Variants in HDGF observed in about 807,000 individuals in gnomAD.
HDGF encodes heparin binding growth factor, also known as hepatoma-derived growth factor.
Under a neutral mutation model 30.0 loss-of-function variants are expected in HDGF, and 5 were observed. The ratio of observed to expected loss-of-function variants is 0.17; its 90% CI spans 0.09 to 0.35. The LOEUF (loss-of-function observed/expected upper bound fraction) is 0.35. HDGF is among the 10% of genes least tolerant of loss of function. The pLI, the probability that HDGF is intolerant of heterozygous loss-of-function variation, is 1.00. For synonymous variants in HDGF, 133 were observed against 112.7 expected (o/e 1.18, Z -1.14); for missense variants, 214 against 302.8 (o/e 0.71, Z 2.18).
In HDGF at chr1:156,763,069, G is replaced by GTT. The variant is rs921839253; in HGVS notation, n.136+3719_136+3720dup. On this transcript the variant is annotated intron_variant and non_coding_transcript_variant, in intron 1 of 7. Transcript: ENST00000465180. ...CCACCTTCCAAAATGTTGTTACTGT[G>GTT]TTGTCTTCTCTTCCGAACTCTCCAT... 7.9e-5 allele frequency among the ~76,000 whole-genome samples: 12 copies of GTT among 152,054 alleles called. No homozygotes were observed. The South Asian group carries it at 8.3e-4, about 10-fold the overall frequency.
At chr1:156,752,033 C>T, upstream of HDGF, 1 of 1,550,744 alleles carries the variant, frequency 6.4e-7, no homozygotes, top group Non-Finnish European at 8.7e-7. Flanking sequence ...CCGCGGAGCG[C>T]TCACCACCGC....
intron 1 of HDGF, among the ~76,000 whole-genome samples, chr1:156,760,155 G>A (rs954529541): frequency 2.6e-5 from 4 of 152,204 alleles, no homozygotes; most frequent in Non-Finnish European, 5.9e-5. Context: ...ACAGCCCCCA[G>A]GTGTGTCTGC....
At chr1:156,747,578 G>C (rs1258212329) in intron 1 of HDGF, 2 of 151,952 alleles carry the variant, frequency 1.3e-5, no homozygotes, top group African/African-American at 4.8e-5. Context: ...ACAGGCATAG[G>C]ACAATAATAG....
chr1:156,747,752 G>A (rs978834270), intron 1 of HDGF, among the ~76,000 whole-genome samples: 1 of 152,100 alleles, frequency 6.6e-6, no homozygotes, highest in Non-Finnish European at 1.5e-5. Flanking sequence ...CGTGATGGAA[G>A]AGGAGAAACT....
intron 1 of HDGF, among the ~76,000 whole-genome samples, chr1:156,746,978 C>T (rs1650597732): frequency 6.6e-6 from 1 of 152,038 alleles, no homozygotes; most frequent in East Asian, 1.9e-4. Context: ...ATCTGAGGGG[C>T]ATCTTGCTCC....
At chr1:156,747,061 T>A (rs1473117949) in intron 1 of HDGF, among the ~76,000 whole-genome samples, 1 of 151,704 alleles carries the variant, frequency 6.6e-6, no homozygotes, top group Non-Finnish European at 1.5e-5. Flanking sequence ...GGTCCAGCCC[T>A]TCCCCCCCAG....
Position 156,763,207 on chromosome 1 carries a change from TTCTC to T in HDGF, n.136+3579_136+3582del, listed in dbSNP as rs572700259. On this transcript the variant is annotated intron_variant and non_coding_transcript_variant, in intron 1 of 7. Coordinates refer to the HDGF transcript ENST00000465180. ...GAAACAAATATGTTTAATCATTTCA[TTCTC>T]TCTCTTTTTTTTTTTTGTTTGAGAT... 1.2e-4 allele frequency among the ~76,000 whole-genome samples: 18 copies of T among 152,218 alleles called. No individual in the cohort carries two copies. The South Asian group carries it at 1.9e-3, about 16-fold the overall frequency.
At chr1:156,757,995 A>G (rs941591337) in intron 2 of HDGF, among the ~76,000 whole-genome samples, 2 of 151,960 alleles carry the variant, frequency 1.3e-5, no homozygotes, top group African/African-American at 4.8e-5. Context: ...CATTGGAGTC[A>G]CTTGAAGAAT....
chr1:156,754,622 A>G (rs1651125210), upstream of HDGF, among the ~76,000 whole-genome samples: 1 of 152,204 alleles, frequency 6.6e-6, no homozygotes, highest in South Asian at 2.1e-4. Flanking sequence ...CGTGCAATCA[A>G]ATCACCTGGG....
intron 1 of HDGF, among the ~76,000 whole-genome samples, chr1:156,761,272 T>A (rs1034341853): frequency 6.6e-6 from 1 of 151,486 alleles, no homozygotes; most frequent in African/African-American, 2.4e-5. Context: ...ATTGTGCCAC[T>A]GTACTCCAGA....
rs1650428073 is a variant in HDGF, at chr1:156,745,026, G to C, written c.285C>G (p.Val95=). Residue 95 remains valine, a synonymous_variant, in exon 3 of 6, where the codon GTC becomes GTG. Coordinates refer to ENST00000357325, the MANE Select transcript of HDGF (RefSeq NM_004494.3). ...GGCTCACCTGATAGCCGGAAGCCTT[G>C]ACAGTAGGGTTGTTCTCGATCTCCC... ...GLWEIENNPT[V]KASGYQSSQK... 8 of 1,613,976 alleles carry C rather than the reference G, an allele frequency of 5.0e-6. No individual in the cohort carries two copies. Among genetic ancestry groups the C allele is most frequent in the Non-Finnish European group, 6.8e-6 (8 of 1,180,028 alleles).
chr1:156,747,069 C>T (rs1051418834), intron 1 of HDGF, among the ~76,000 whole-genome samples: 1 of 151,928 alleles, frequency 6.6e-6, no homozygotes, highest in Non-Finnish European at 1.5e-5. Context: ...CCTTCCCCCC[C>T]AGGAAGGCCC....
chr1:156,766,718 A>C (rs1388048458), intron 1 of HDGF: 2 of 152,358 alleles, frequency 1.3e-5, no homozygotes, highest in Admixed American at 1.3e-4. Flanking sequence ...GCCAGGTAGG[A>C]CGGACTCAAG....
intron 3 of HDGF, 163 bp from the exon 4 acceptor site, chr1:156,744,511 T>C (rs1352499685): frequency 6.4e-7 from 1 of 1,570,896 alleles, no homozygotes; most frequent in East Asian, 2.3e-5. Context: ...CTCTGTCGGA[T>C]TAGCCCCGGG....
intron 1 of HDGF, among the ~76,000 whole-genome samples, chr1:156,763,155 C>T (rs1156744786): frequency 1.3e-5 from 2 of 151,816 alleles, no homozygotes; most frequent in East Asian, 1.9e-4. Flanking sequence ...AATCTCTTTA[C>T]TGATGTTTCA....
At chr1:156,764,688 C>T (rs933898498) in intron 1 of HDGF, among the ~76,000 whole-genome samples, 3 of 152,048 alleles carry the variant, frequency 2.0e-5, no homozygotes, top group Non-Finnish European at 4.4e-5. Context: ...TTGTTAAACA[C>T]AGTCTGGCCA....
At position 156,751,646 on chromosome 1, in the gene HDGF, G is replaced by A; in HGVS notation, c.-217C>T. On this transcript the variant is annotated 5_prime_UTR_variant, in exon 1 of 6. Coordinates refer to ENST00000357325, the MANE Select transcript of HDGF (RefSeq NM_004494.3). This position sits in a 1 kb window ranked among gnomAD's most constrained non-coding sequence, Gnocchi z 4.7. ...ATCGGGGCAAGGCTCCGGCGCGGTG[G>A]GTGCGCGCTCGTGCAGTTGTTTGTG... 2 of 1,003,892 alleles carry A rather than the reference G, an allele frequency of 2.0e-6. No homozygotes were observed. The highest frequency in any genetic ancestry group is 2.4e-6 in the Non-Finnish European group (2 of 842,818). 62.2% of individuals were successfully genotyped at this position (1,003,892 alleles called of 1,614,324 possible).
chr1:156,762,613 G>A (rs1651268935), intron 1 of HDGF, among the ~76,000 whole-genome samples: 1 of 152,070 alleles, frequency 6.6e-6, no homozygotes, highest in Non-Finnish European at 1.5e-5. Flanking sequence ...GCTCATGCCT[G>A]TAATCCCAGC....
At chr1:156,762,928 T>C (rs967304080) in intron 1 of HDGF, among the ~76,000 whole-genome samples, 1 of 151,950 alleles carries the variant, frequency 6.6e-6, no homozygotes, top group Non-Finnish European at 1.5e-5. Flanking sequence ...TGGGAGTTTG[T>C]AGGGGGAATC....
Sources: gnomAD v4.1 joint callset for allele counts (sites outside exome capture counted in the v4.1 genomes callset) on GRCh38, gnomAD v4.1.1 for gene constraint, Gnocchi (gnomAD v3.1) non-coding constraint, MANE v1.5 for transcripts, NCBI Gene and HGNC (gene_info 2026-07-23, HGNC 2026-07-21) for gene names.